CLDN18: variants seen among roughly 807,000 people sequenced by gnomAD.
The protein encoded by CLDN18 is claudin-18.
In CLDN18, 20 loss-of-function variants were observed where a neutral mutation model predicts 25.0. The ratio of observed to expected loss-of-function variants is 0.80; its 90% confidence interval spans 0.56 to 1.16. CLDN18 has a LOEUF of 1.16. CLDN18 is among the 50% of genes most tolerant of loss of function. The probability of loss-of-function intolerance (pLI) is 0.00; values close to 1 mark genes in which losing one functional copy is unlikely to be tolerated. For synonymous variants in CLDN18, 125 were observed against 135.6 expected, an observed-to-expected ratio of 0.92 and a Z score of 0.54; for missense variants, 297 against 345.4, an observed-to-expected ratio of 0.86 and a Z score of 1.11.
intron 1 of CLDN18, among the ~76,000 whole-genome samples, chr3:138,014,193 C>A (rs1047663880): frequency 6.6e-6 from 1 of 152,090 alleles, no homozygotes; most frequent in Non-Finnish European, 1.5e-5. Context: ...AAGCCAGTTG[C>A]CACTCATGGA....
chr3:138,025,381 A>T (rs1389048532), intron 3 of CLDN18, among the ~76,000 whole-genome samples: 1 of 152,228 alleles, frequency 6.6e-6, no homozygotes, highest in East Asian at 1.9e-4. Flanking sequence ...ATATTCATTT[A>T]GTCACTTTAA....
chr3:138,010,707 A>G (rs958047972), intron 1 of CLDN18, among the ~76,000 whole-genome samples: 1 of 152,218 alleles, frequency 6.6e-6, no homozygotes, highest in African/African-American at 2.4e-5. Flanking sequence ...TTGTAAGGGT[A>G]TGTTCATGAT....
intron 1 of CLDN18, among the ~76,000 whole-genome samples, chr3:138,019,895 T>A (rs1942252255): frequency 6.6e-6 from 1 of 152,236 alleles, no homozygotes; most frequent in Non-Finnish European, 1.5e-5. Flanking sequence ...TCAGGTCTGA[T>A]AACACTTCAT....
chr3:138,018,170 A>G (rs1265891823), intron 1 of CLDN18, among the ~76,000 whole-genome samples: 2 of 152,220 alleles, frequency 1.3e-5, no homozygotes, highest in African/African-American at 4.8e-5. Flanking sequence ...TATAAACAAC[A>G]GAAATTTATT....
chr3:138,002,960 A>T (rs149924918), intron 1 of CLDN18, among the ~76,000 whole-genome samples: 107 of 152,366 alleles, frequency 7.0e-4, no homozygotes, highest in African/African-American at 2.4e-3. Flanking sequence ...TATTCATTCA[A>T]CAAACATTTA....
chr3:138,029,833 C>T lies in CLDN18; in HGVS notation c.540C>T (p.Val180=), dbSNP rs968071944. The part of the protein sequence containing the change: ...TFGAALFVGW[V]AGGLTLIGGV... ...GTGCGGCTCTGTTCGTGGGCTGGGT[C>T]GCTGGAGGCCTCACACTAATTGGGG... The change falls in exon 4 of 5, where the codon GTC becomes GTT. Residue 180 remains valine, a synonymous_variant. Transcript: ENST00000183605. 8.8e-6 allele frequency: 14 copies of T among 1,591,692 alleles called. No individual in the cohort carries two copies. Among genetic ancestry groups the T allele is most frequent in the Admixed American group, 5.4e-5 (3 of 55,942 alleles).
chr3:137,999,878 T>A (rs1941997200), intron 1 of CLDN18, among the ~76,000 whole-genome samples: 1 of 152,248 alleles, frequency 6.6e-6, no homozygotes, highest in Non-Finnish European at 1.5e-5. Flanking sequence ...ATGTTAAAAA[T>A]GTCTTTCACT....
chr3:138,013,903 A>G (rs1367482982), intron 1 of CLDN18, among the ~76,000 whole-genome samples: 1 of 152,166 alleles, frequency 6.6e-6, no homozygotes, highest in Admixed American at 6.5e-5. Flanking sequence ...ATGGCCTGGA[A>G]TCAGGAAAGA....
chr3:138,009,989 C>T (rs193026248), upstream of CLDN18: 18 of 622,922 alleles, frequency 2.9e-5, no homozygotes, highest in African/African-American at 2.6e-4. Flanking sequence ...TGAACCCACC[C>T]GGCCTGCGGA....
intron 1 of CLDN18, among the ~76,000 whole-genome samples, chr3:138,013,780 G>A (rs1423516994): frequency 1.4e-4 from 22 of 152,150 alleles, no homozygotes; most frequent in Admixed American, 1.4e-3. Flanking sequence ...TGCAAAAGAA[G>A]ATATACCATT....
At chr3:138,022,138 G>A (rs553703886) in intron 1 of CLDN18, among the ~76,000 whole-genome samples, 15 of 152,172 alleles carry the variant, frequency 9.9e-5, no homozygotes, top group East Asian at 3.9e-4. Flanking sequence ...AGGAAACCAC[G>A]GACTCCCAAG....
At chr3:138,021,077 G>T (rs4678399) in intron 1 of CLDN18, among the ~76,000 whole-genome samples, 12,712 of 152,080 alleles carry the variant, frequency 0.084, 694 homozygotes, top group Non-Finnish European at 0.12. Context: ...CATTGTAGGG[G>T]TTTTTTCCCC....
At position 138,024,692 on chromosome 3, in the gene CLDN18, C is replaced by T. The variant is rs1440247659; in HGVS notation, c.471C>T (p.Gly157=). 4 of 1,612,470 alleles carry T rather than the reference C, an allele frequency of 2.5e-6. No individual in the cohort carries two copies. The highest frequency in any genetic ancestry group is 2.5e-6 in the Non-Finnish European group (3 of 1,178,474). ...FWMSTANMYT[G]MGGMVQTVQT... ...TGTCCACAGCTAACATGTACACCGGCATGGGTGGGATGGTGCAGACTGTTC... is the reference window on the plus strand; with the variant it reads ...TGTCCACAGCTAACATGTACACCGGTATGGGTGGGATGGTGCAGACTGTTC... The change falls in exon 3 of 5, where the codon GGC becomes GGT. Residue 157 remains glycine (G), a synonymous_variant. Transcript: ENST00000183605.
At chr3:138,023,195 GAC>G (rs1162638516) in intron 1 of CLDN18, among the ~76,000 whole-genome samples, 2 of 152,172 alleles carry the variant, frequency 1.3e-5, no homozygotes, top group Non-Finnish European at 2.9e-5. Context: ...TCCTAAAGTG[GAC>G]ACAACTATGT....
At chr3:138,003,807 G>C (rs893612203) in intron 1 of CLDN18, among the ~76,000 whole-genome samples, 1 of 152,112 alleles carries the variant, frequency 6.6e-6, no homozygotes, top group African/African-American at 2.4e-5. Flanking sequence ...TAGTTGGAGA[G>C]ACAGGAATAA....
chr3:138,005,471 G>A (rs113073811), upstream of CLDN18, among the ~76,000 whole-genome samples: 559 of 151,446 alleles, frequency 3.7e-3, 1 homozygote, highest in Non-Finnish European at 6.4e-3. Context: ...TCCCACTTAC[G>A]AGTGAGAACA....
At chr3:138,026,276 A>T (rs1168090632) in intron 3 of CLDN18, among the ~76,000 whole-genome samples, 1 of 152,234 alleles carries the variant, frequency 6.6e-6, no homozygotes, top group Non-Finnish European at 1.5e-5. Flanking sequence ...GCCTGCCCTC[A>T]CACTGTACAC....
chr3:138,007,965 T>G (rs1942087238), upstream of CLDN18, among the ~76,000 whole-genome samples: 1 of 152,172 alleles, frequency 6.6e-6, no homozygotes, highest in African/African-American at 2.4e-5. Context: ...CCCTCTTATT[T>G]TAGGCTTTCT....
Position 138,031,199 on chromosome 3 carries a change from C to T in CLDN18, c.*58C>T. On this transcript the variant is annotated 3_prime_UTR_variant, in exon 5 of 5. Transcript: ENST00000183605. ...ACTCCCGGAGAGCTCACCCAAAAAA[C>T]AAGGAGATCCCATCTAGATTTCTTC... 1 of 1,403,936 alleles carries T rather than the reference C, an allele frequency of 7.1e-7. No homozygotes were observed. The allele number at this position is 1,403,936 out of a possible 1,614,324, so 87.0% of individuals were successfully genotyped here.
Sources: gnomAD v4.1 joint callset for allele counts (sites outside exome capture counted in the v4.1 genomes callset) on GRCh38, gnomAD v4.1.1 for gene constraint, MANE v1.5 for transcripts, NCBI Gene and HGNC (gene_info 2026-07-23, HGNC 2026-07-21) for gene names.